Variants in SORCS1 observed in about 807,000 individuals in gnomAD.
SORCS1 encodes sortilin related VPS10 domain containing receptor 1, also known as VPS10 domain-containing receptor SorCS1.
In SORCS1, 60 loss-of-function variants were observed where a neutral mutation model predicts 146.1. The observed-to-expected ratio is 0.41, with a 90% CI of 0.33 to 0.51. SORCS1 has a LOEUF of 0.51. Ranked by LOEUF, SORCS1 falls within the 20% of genes least tolerant of loss-of-function variation. The pLI, the probability that SORCS1 is intolerant of heterozygous loss-of-function variation, is 0.21. For missense variants in SORCS1, 1,352 were observed against 1,487.6 expected, an observed-to-expected ratio of 0.91 and a Z score of 1.50; for synonymous variants, 637 against 584.0, an observed-to-expected ratio of 1.09 and a Z score of -1.31.
At chr10:106,765,565 G>T (rs577728840) in intron 4 of SORCS1, among the ~76,000 whole-genome samples, 1 of 152,242 alleles carries the variant, frequency 6.6e-6, no homozygotes, top group East Asian at 1.9e-4. Context: ...GGAGCTGCCA[G>T]TTGGGTGGTA....
chr10:106,929,448 A>C (rs1350330278), intron 2 of SORCS1, among the ~76,000 whole-genome samples: 1 of 152,184 alleles, frequency 6.6e-6, no homozygotes, highest in African/African-American at 2.4e-5. Flanking sequence ...GATGTGGCTT[A>C]TGTTTACTTT....
At chr10:107,097,584 C>G (rs1000264261) in intron 1 of SORCS1, among the ~76,000 whole-genome samples, 14 of 152,298 alleles carry the variant, frequency 9.2e-5, no homozygotes, top group African/African-American at 3.4e-4. Context: ...CACTCCACCC[C>G]TAGCCCCAGC....
chr10:106,799,909 G>A (rs929570685), intron 3 of SORCS1, among the ~76,000 whole-genome samples: 2 of 152,172 alleles, frequency 1.3e-5, no homozygotes, highest in African/African-American at 4.8e-5. Context: ...GGTCCTAAAA[G>A]GGGAATTGCC....
intron 3 of SORCS1, among the ~76,000 whole-genome samples, chr10:106,811,603 T>A (rs1415246821): frequency 6.6e-6 from 1 of 152,190 alleles, no homozygotes; most frequent in Non-Finnish European, 1.5e-5. Context: ...ATTTAGGCAC[T>A]TCATCCCACT....
intron 1 of SORCS1, among the ~76,000 whole-genome samples, chr10:107,110,609 TCC>T (rs2134451032): frequency 6.6e-6 from 1 of 151,724 alleles, no homozygotes; most frequent in South Asian, 2.1e-4. Flanking sequence ...AACCAAAACC[TCC>T]CACCAACTCC....
intron 1 of SORCS1, among the ~76,000 whole-genome samples, chr10:107,045,258 C>T (rs901479646): frequency 6.6e-6 from 1 of 152,084 alleles, no homozygotes; most frequent in African/African-American, 2.4e-5. Context: ...TCCAAAATAC[C>T]TGATTTCATT....
At chr10:106,965,927 T>C (rs1955471872) in intron 1 of SORCS1, among the ~76,000 whole-genome samples, 1 of 152,238 alleles carries the variant, frequency 6.6e-6, no homozygotes, top group Admixed American at 6.5e-5. Context: ...GTTTTTACTC[T>C]TTACTGACCT....
chr10:107,084,092 GTTTTTTTTTT>G (rs34590427), intron 1 of SORCS1, among the ~76,000 whole-genome samples: 1 of 113,790 alleles, frequency 8.8e-6, no homozygotes, highest in East Asian at 2.6e-4. Context: ...GTTGTTTTTT[GTTTTTTTTTT>G]TTTTTTTTTT....
At chr10:106,621,023 G>A (rs1161314824) in intron 19 of SORCS1, among the ~76,000 whole-genome samples, 1 of 152,106 alleles carries the variant, frequency 6.6e-6, no homozygotes, top group African/African-American at 2.4e-5. Context: ...GGTTTTAAAG[G>A]TCTGTGTATG....
At chr10:106,682,255 G>A (rs1038632685) in intron 10 of SORCS1, among the ~76,000 whole-genome samples, 2 of 152,148 alleles carry the variant, frequency 1.3e-5, no homozygotes, top group Non-Finnish European at 2.9e-5. Flanking sequence ...GGCTTTCAGA[G>A]GGCTGGGATA....
intron 2 of SORCS1, among the ~76,000 whole-genome samples, chr10:106,893,070 AT>A (rs527826923): frequency 1.9e-3 from 262 of 140,550 alleles, no homozygotes; most frequent in Admixed American, 2.1e-3. Context: ...AGTTTTTTGT[AT>A]TTTTTTTTTT....
intron 4 of SORCS1, among the ~76,000 whole-genome samples, chr10:106,775,718 C>T (rs1860381443): frequency 6.6e-6 from 1 of 152,220 alleles, no homozygotes; most frequent in Non-Finnish European, 1.5e-5. Flanking sequence ...TCTAGTATTT[C>T]ACCAATTATC....
intron 24 of SORCS1, 146 bp from the exon 25 acceptor site, chr10:106,579,620 G>T: frequency 1.3e-6 from 1 of 779,416 alleles, no homozygotes; most frequent in Non-Finnish European, 2.1e-6. Flanking sequence ...TCACATGGCT[G>T]ACATGGGATG....
chr10:106,799,399 G>C (rs868708947), intron 3 of SORCS1, among the ~76,000 whole-genome samples: 1 of 152,120 alleles, frequency 6.6e-6, no homozygotes, highest in Non-Finnish European at 1.5e-5. Context: ...TTAAACTAAC[G>C]AGCTTCTGCA....
At chr10:106,928,857 C>T (rs1286250103) in intron 2 of SORCS1, among the ~76,000 whole-genome samples, 1 of 151,514 alleles carries the variant, frequency 6.6e-6, no homozygotes, top group Non-Finnish European at 1.5e-5. Flanking sequence ...CTATTTTTTG[C>T]CTTTTAGCAA....
chr10:107,116,422 T>C (rs958960940), intron 1 of SORCS1, among the ~76,000 whole-genome samples: 36 of 152,188 alleles, frequency 2.4e-4, no homozygotes, highest in African/African-American at 8.2e-4. Flanking sequence ...CATACATATA[T>C]AATGTATTAT....
intron 19 of SORCS1, among the ~76,000 whole-genome samples, chr10:106,627,776 T>C (rs1848196901): frequency 6.6e-6 from 1 of 152,148 alleles, no homozygotes. Flanking sequence ...GAGTAGATAG[T>C]AAAAGCTAAT....
intron 2 of SORCS1, among the ~76,000 whole-genome samples, chr10:106,895,151 G>A (rs138503071): frequency 3.3e-5 from 5 of 152,184 alleles, no homozygotes; most frequent in East Asian, 1.9e-4. Context: ...CCTCAAGTCC[G>A]TTTTGTGCTT....
intron 8 of SORCS1, among the ~76,000 whole-genome samples, 158 bp from the exon 9 acceptor site, chr10:106,699,551 T>G (rs1438340455): frequency 1.3e-5 from 2 of 152,232 alleles, no homozygotes; most frequent in Non-Finnish European, 2.9e-5. Context: ...AGTTAAGCAT[T>G]AATCATATAT....
Sources: allele counts gnomAD v4.1 joint callset (sites outside exome capture counted in the v4.1 genomes callset), GRCh38; gene constraint gnomAD v4.1.1; transcripts MANE v1.5; gene names NCBI Gene and HGNC (gene_info 2026-07-23, HGNC 2026-07-21).